The following EYA4 variants were observed in gnomAD, a reference collection of about 807,000 sequenced individuals.
EYA4 encodes EYA transcriptional coactivator and phosphatase 4.
A neutral mutation model predicts 87.9 loss-of-function variants in EYA4; 31 were observed. The observed-to-expected ratio is 0.35, with a 90% CI of 0.27 to 0.48. EYA4 has a LOEUF of 0.48. Ranked by LOEUF, EYA4 falls within the 20% of genes least tolerant of loss-of-function variation. The probability of loss-of-function intolerance (pLI) is 0.99; values close to 1 mark genes in which losing one functional copy is unlikely to be tolerated. For synonymous variants in EYA4, 263 were observed against 270.6 expected (o/e 0.97, Z 0.28); for missense variants, 678 against 761.4 (o/e 0.89, Z 1.29).
At chr6:133,365,056 G>C (rs550985141) in intron 2 of EYA4, among the ~76,000 whole-genome samples, 97 of 152,192 alleles carry the variant, frequency 6.4e-4, no homozygotes, top group African/African-American at 2.1e-3. Flanking sequence ...CCTATCTCAG[G>C]CTAGACTGTT....
intron 2 of EYA4, among the ~76,000 whole-genome samples, chr6:133,334,582 A>G (rs566623267): frequency 5.3e-5 from 8 of 152,294 alleles, no homozygotes; most frequent in African/African-American, 1.9e-4. Context: ...AGGGCTGAAC[A>G]TTTTAGCACA....
chr6:133,492,369 C>G (rs986564295), intron 13 of EYA4, among the ~76,000 whole-genome samples: 1 of 151,344 alleles, frequency 6.6e-6, no homozygotes, highest in African/African-American at 2.4e-5. Context: ...ATTATTTCAT[C>G]TGATGCTGAA....
chr6:133,481,532 C>A lies in EYA4; in HGVS notation c.1040C>A (p.Ser347Tyr), dbSNP rs774111274. 1.9e-6 allele frequency: 3 copies of A among 1,614,012 alleles called. No individual in the cohort carries two copies. In the South Asian group the frequency reaches 3.3e-5, roughly 18 times the overall value. Residue 347 changes from serine to tyrosine, a missense_variant, in exon 12 of 20, where the codon TCT becomes TAT. Transcript: ENST00000355286. ...CTTGATGAGAGAACCTGTAGGAGTT[C>A]TGGGTCAAAGTCCAGAGGAAGAGGC... ...KDLDERTCRSSGSKSRGRGRK... is the reference protein window; with the variant it reads ...KDLDERTCRSYGSKSRGRGRK...
Position 133,480,743 on chromosome 6 carries a change from T to C in EYA4, c.971-720T>C, listed in dbSNP as rs574745577. Among the ~76,000 whole-genome samples, 25 of 152,320 alleles carry C rather than the reference T, an allele frequency of 1.6e-4. No homozygotes were observed. The South Asian group carries it at 2.5e-3, about 15-fold the overall frequency. On this transcript the variant is annotated intron_variant, in intron 11 of 19. Transcript: ENST00000355286. Reference sequence around the variant, plus strand: ...ATATCTCTTTTTACTTTTTTTAACATAGCTGATAAAAAACTTTAAAATATT... The same window carrying C: ...ATATCTCTTTTTACTTTTTTTAACACAGCTGATAAAAAACTTTAAAATATT...
intron 11 of EYA4, among the ~76,000 whole-genome samples, chr6:133,474,618 G>A (rs942608506): frequency 9.2e-5 from 14 of 152,048 alleles, no homozygotes; most frequent in African/African-American, 2.4e-4. Flanking sequence ...AACCAAAATC[G>A]TAACAACACA....
At chr6:133,371,060 T>G (rs1296378846) in intron 2 of EYA4, among the ~76,000 whole-genome samples, 1 of 152,142 alleles carries the variant, frequency 6.6e-6, no homozygotes, top group Non-Finnish European at 1.5e-5. Flanking sequence ...AAGTGTAAAT[T>G]GCTGTTTTGC....
intron 1 of EYA4, chr6:133,247,661 T>C (rs951063417): frequency 6.6e-6 from 1 of 152,194 alleles, no homozygotes; most frequent in African/African-American, 2.4e-5. Flanking sequence ...GTGGTTTTCA[T>C]TTTTTTATTT....
At chr6:133,410,818 A>G (rs1254579789) in intron 3 of EYA4, among the ~76,000 whole-genome samples, 1 of 151,782 alleles carries the variant, frequency 6.6e-6, no homozygotes, top group Non-Finnish European at 1.5e-5. Flanking sequence ...GTGTTGATTC[A>G]TCCTTGGCAT....
chr6:133,312,158 G>A (rs536235762), intron 2 of EYA4, among the ~76,000 whole-genome samples: 1 of 152,150 alleles, frequency 6.6e-6, no homozygotes, highest in African/African-American at 2.4e-5. Context: ...AAATCTGCAT[G>A]TTCAAAGCCT....
chr6:133,349,232 TC>T (rs1783448237), intron 2 of EYA4, among the ~76,000 whole-genome samples: 1 of 152,238 alleles, frequency 6.6e-6, no homozygotes, highest in Non-Finnish European at 1.5e-5. Context: ...ATAATAGCAT[TC>T]ATTCCTCAAC....
chr6:133,354,583 A>G (rs1167549704), intron 2 of EYA4, among the ~76,000 whole-genome samples: 1 of 152,172 alleles, frequency 6.6e-6, no homozygotes, highest in Non-Finnish European at 1.5e-5. Context: ...CAGAAAGGGA[A>G]AACAAATTCT....
chr6:133,421,361 A>G (rs1790205596), intron 3 of EYA4, among the ~76,000 whole-genome samples: 2 of 152,224 alleles, frequency 1.3e-5, no homozygotes, highest in Admixed American at 1.3e-4. Context: ...CATTAACTCA[A>G]ACATGCCACG....
chr6:133,354,443 A>G (rs192240639), intron 2 of EYA4, among the ~76,000 whole-genome samples: 2 of 152,276 alleles, frequency 1.3e-5, no homozygotes, highest in Admixed American at 6.5e-5. Flanking sequence ...AAGACTAGCT[A>G]CTGTTTCCCG....
At chr6:133,474,629 CAT>C (rs748539797) in intron 11 of EYA4, among the ~76,000 whole-genome samples, 13 of 152,122 alleles carry the variant, frequency 8.5e-5, no homozygotes, top group Non-Finnish European at 1.5e-4. Context: ...TAACAACACA[CAT>C]GTCTGGATCT....
chr6:133,323,444 G>A (rs1001329174), intron 2 of EYA4, among the ~76,000 whole-genome samples: 2 of 152,082 alleles, frequency 1.3e-5, no homozygotes, highest in Admixed American at 6.6e-5. Context: ...TTAATAAGAT[G>A]TAGTATTTTG....
intron 3 of EYA4, among the ~76,000 whole-genome samples, chr6:133,402,253 A>G (rs1788333256): frequency 6.6e-6 from 1 of 152,136 alleles, no homozygotes; most frequent in East Asian, 1.9e-4. Context: ...TTGCATCATG[A>G]CACAGAAGGA....
At chr6:133,253,664 A>ATAC (rs1280678683) in intron 1 of EYA4, among the ~76,000 whole-genome samples, 2 of 152,026 alleles carry the variant, frequency 1.3e-5, no homozygotes, top group Non-Finnish European at 2.9e-5. Context: ...AATAATAATA[A>ATAC]TAATAATCTA....
Position 133,530,975 on chromosome 6 carries a change from G to A in EYA4, c.*2170G>A, listed in dbSNP as rs1197007540. On this transcript the variant is annotated 3_prime_UTR_variant, in exon 20 of 20. Transcript: ENST00000355286. ...ACTAAAACCTTAAATATTTATTACTGTGAATAAAAACAAATTATCTTTACT... is the reference window on the plus strand; with the variant it reads ...ACTAAAACCTTAAATATTTATTACTATGAATAAAAACAAATTATCTTTACT... 3 of 1,266,552 alleles carry A rather than the reference G, an allele frequency of 2.4e-6. No individual in the cohort carries two copies. Among genetic ancestry groups the A allele is most frequent in the Admixed American group, 3.7e-5 (1 of 26,682 alleles). The allele number at this position is 1,266,552 out of a possible 1,614,324, so 78.5% of individuals were successfully genotyped here.
chr6:133,435,915 C>A (rs1791626356), intron 3 of EYA4, among the ~76,000 whole-genome samples: 1 of 152,084 alleles, frequency 6.6e-6, no homozygotes, highest in African/African-American at 2.4e-5. Context: ...TCTAACACTG[C>A]ACATATAAAT....
Sources: gnomAD v4.1 joint callset for allele counts (sites outside exome capture counted in the v4.1 genomes callset) on GRCh38, gnomAD v4.1.1 for gene constraint, MANE v1.5 for transcripts, NCBI Gene and HGNC (gene_info 2026-07-23, HGNC 2026-07-21) for gene names.